The following CSRNP3 variants were observed in gnomAD, a reference collection of about 807,000 sequenced individuals.
CSRNP3 encodes cysteine and serine rich nuclear protein 3, also known as cysteine/serine-rich nuclear protein 3.
Under a neutral mutation model 48.0 loss-of-function variants are expected in CSRNP3, and 12 were observed. The ratio of observed to expected loss-of-function variants is 0.25; its 90% CI spans 0.16 to 0.41. The LOEUF is 0.41. Ranked by LOEUF, CSRNP3 falls within the 10% of genes least tolerant of loss-of-function variation. The pLI, the probability that CSRNP3 is intolerant of heterozygous loss-of-function variation, is 1.00. For synonymous variants in CSRNP3, 263 were observed against 269.7 expected (o/e 0.98, Z 0.24); for missense variants, 580 against 724.4 (o/e 0.80, Z 2.29).
In CSRNP3 at chr2:165,682,130, GT is replaced by G. The variant is rs1687558288; in HGVS notation, c.*2380del. On this transcript the variant is annotated 3_prime_UTR_variant, in exon 7 of 7. Transcript: ENST00000651982. ...AGCTGAAGGGTAGAATGACAGTCCA[GT>G]TTCTGAAAAGAGATATTTTAATTTT... 1 of 152,036 alleles carries G rather than the reference GT, an allele frequency of 6.6e-6. No homozygotes were observed. The highest frequency in any genetic ancestry group is 2.1e-4 in the South Asian group (1 of 4,824). 9.4% of individuals were successfully genotyped at this position (152,036 alleles called of 1,614,324 possible). A position where few individuals can be genotyped will look rare whatever the true frequency, so the allele number is the denominator to read the frequency against.
At chr2:165,649,537 A>G (rs1473369169) in intron 4 of CSRNP3, among the ~76,000 whole-genome samples, 1 of 152,162 alleles carries the variant, frequency 6.6e-6, no homozygotes, top group African/African-American at 2.4e-5. Flanking sequence ...TTACTAATAC[A>G]TAAGTTGGTT....
At chr2:165,595,335 A>T (rs1039646251) in intron 4 of CSRNP3, 122 bp downstream of exon 4, 1 of 881,006 alleles carries the variant, frequency 1.1e-6, no homozygotes, top group South Asian at 2.3e-5. Context: ...AATACAAAGA[A>T]CACTTACCCA....
At chr2:165,621,617 TG>T (rs1305221251) in intron 4 of CSRNP3, among the ~76,000 whole-genome samples, 1 of 152,208 alleles carries the variant, frequency 6.6e-6, no homozygotes. Flanking sequence ...TTAGCTGTTT[TG>T]TTTTGTTTTT....
rs1278275307 is a variant in CSRNP3 at position 165,688,453 on chromosome 2, A to G, written c.*8700A>G. On this transcript the variant is annotated 3_prime_UTR_variant, in exon 7 of 7. Coordinates refer to ENST00000651982, the MANE Select transcript of CSRNP3 (RefSeq NM_001172173.2). ...TGTGTTTCCCTCAGTGTCACAGGGT[A>G]TATCAATTTGATAGATCATTTGACA... 3.3e-5 allele frequency: 5 copies of G among 152,190 alleles called. No individual in the cohort carries two copies. Among genetic ancestry groups the G allele is most frequent in the Non-Finnish European group, 7.3e-5 (5 of 68,034 alleles). The allele number at this position is 152,190 out of a possible 1,614,324, so 9.4% of individuals were successfully genotyped here.
At chr2:165,583,547 T>C (rs553605317) in intron 3 of CSRNP3, among the ~76,000 whole-genome samples, 4 of 152,188 alleles carry the variant, frequency 2.6e-5, no homozygotes, top group African/African-American at 9.7e-5. Context: ...AGTTAATCTC[T>C]CTGCAACTTG....
chr2:165,552,158 A>G (rs1685104187), intron 3 of CSRNP3, among the ~76,000 whole-genome samples: 1 of 152,260 alleles, frequency 6.6e-6, no homozygotes, highest in South Asian at 2.1e-4. Flanking sequence ...CATGTTGGTC[A>G]GTGTGGCTCA....
chr2:165,681,370 G>T lies in CSRNP3; in HGVS notation c.*1617G>T, dbSNP rs766839527. On this transcript the variant is annotated 3_prime_UTR_variant, in exon 7 of 7. Coordinates refer to ENST00000651982, the MANE Select transcript of CSRNP3 (RefSeq NM_001172173.2). ...CTTATTTTTTATGTCTTTTAGACTT[G>T]GGTGTTTAGAATTATGGATATAAAT... 1.4e-4 allele frequency: 21 copies of T among 151,730 alleles called. No homozygotes were observed. The highest frequency in any genetic ancestry group is 1.3e-4 in the Non-Finnish European group (9 of 67,944). 9.4% of individuals were successfully genotyped at this position (151,730 alleles called of 1,614,324 possible).
At chr2:165,639,503 A>G (rs185609988) in intron 4 of CSRNP3, among the ~76,000 whole-genome samples, 162 of 152,342 alleles carry the variant, frequency 1.1e-3, no homozygotes, top group African/African-American at 3.3e-3. Flanking sequence ...AAAGAAGTTA[A>G]TGAGTGGATG....
intron 4 of CSRNP3, among the ~76,000 whole-genome samples, chr2:165,642,508 G>A (rs1317804573): frequency 6.6e-6 from 1 of 151,666 alleles, no homozygotes; most frequent in Non-Finnish European, 1.5e-5. Context: ...TCTAATAAGA[G>A]TAGACGTGGC....
In CSRNP3 at chr2:165,665,765, AAAAG is replaced by A. The variant is rs1362813217; in HGVS notation, c.408+7755_408+7758del. 1.9e-3 allele frequency among the ~76,000 whole-genome samples: 244 copies of A among 128,700 alleles called. 1 individual carries two copies. Among genetic ancestry groups the A allele is most frequent in the African/African-American group, 7.9e-3 (231 of 29,254 alleles). The allele number at this position is 128,700 out of a possible 152,430, so 84.4% of individuals were successfully genotyped here. A position where few individuals can be genotyped will look rare whatever the true frequency, so the allele number is the denominator to read the frequency against. ...CCAGGCGACAGAGTGAGATTCTGGGAAAAGAAAGAAAGAGAGAGAGAGAGAGAGA... is the reference window on the plus strand; with the variant it reads ...CCAGGCGACAGAGTGAGATTCTGGGAAAAGAAAGAGAGAGAGAGAGAGAGA... On this transcript the variant is annotated intron_variant, in intron 5 of 6. Transcript: ENST00000651982.
At chr2:165,540,798 G>T (rs1488974554) in intron 3 of CSRNP3, among the ~76,000 whole-genome samples, 10 of 152,110 alleles carry the variant, frequency 6.6e-5, no homozygotes, top group Admixed American at 5.9e-4. Context: ...CACCTGCCTG[G>T]ATGGCCCTGT....
At chr2:165,564,991 C>A (rs1464463328) in intron 3 of CSRNP3, among the ~76,000 whole-genome samples, 2 of 151,954 alleles carry the variant, frequency 1.3e-5, no homozygotes, top group African/African-American at 4.8e-5. Flanking sequence ...TATATAGAGA[C>A]AACTTTAAAG....
intron 3 of CSRNP3, among the ~76,000 whole-genome samples, chr2:165,568,647 T>G (rs62174753): frequency 6.6e-6 from 1 of 152,056 alleles, no homozygotes; most frequent in African/African-American, 2.4e-5. Flanking sequence ...ACTTGGACTT[T>G]CCAGAGCATC....
intron 3 of CSRNP3, among the ~76,000 whole-genome samples, chr2:165,552,684 T>C (rs1296214134): frequency 6.6e-6 from 1 of 152,062 alleles, no homozygotes; most frequent in Admixed American, 6.6e-5. Flanking sequence ...CATACCTTCA[T>C]AATTTATCTA....
intron 5 of CSRNP3, among the ~76,000 whole-genome samples, chr2:165,666,715 G>C (rs1374649672): frequency 8.7e-6 from 1 of 115,388 alleles, no homozygotes; most frequent in Non-Finnish European, 1.7e-5. Context: ...AAGGAAGGAA[G>C]GAAAGAGAGA....
chr2:165,613,888 T>C (rs538589020), intron 4 of CSRNP3, among the ~76,000 whole-genome samples: 74 of 152,248 alleles, frequency 4.9e-4, no homozygotes, highest in Middle Eastern at 6.8e-3. Context: ...TCAGGGTCTT[T>C]TGTAGTTCCA....
chr2:165,493,050 A>T (rs1012592910), intron 1 of CSRNP3, among the ~76,000 whole-genome samples: 2 of 151,744 alleles, frequency 1.3e-5, no homozygotes, highest in African/African-American at 4.8e-5. Flanking sequence ...TAAGCTGGGG[A>T]TATGAGGAAG....
intron 3 of CSRNP3, among the ~76,000 whole-genome samples, chr2:165,562,659 C>A (rs1265829672): frequency 1.3e-5 from 2 of 152,124 alleles, no homozygotes; most frequent in Non-Finnish European, 2.9e-5. Flanking sequence ...ATTCTAAAAG[C>A]ACTTTCACAA....
In CSRNP3 at chr2:165,579,098, G is replaced by A. The variant is rs542718797; in HGVS notation, c.-23-15945G>A. Among the ~76,000 whole-genome samples, 11 of 152,260 alleles carry A rather than the reference G, an allele frequency of 7.2e-5. No individual in the cohort carries two copies. The South Asian group carries it at 2.3e-3, about 32-fold the overall frequency. ...CACAAGTTGATTCCCTGGTGCTGAT[G>A]AGGCAAGTTCAGCTTAAACTTATAG... On this transcript the variant is annotated intron_variant, in intron 3 of 6. Transcript: ENST00000651982.
Sources: gnomAD v4.1 joint callset for allele counts (sites outside exome capture counted in the v4.1 genomes callset) on GRCh38, gnomAD v4.1.1 for gene constraint, MANE v1.5 for transcripts, NCBI Gene and HGNC (gene_info 2026-07-23, HGNC 2026-07-21) for gene names.